ZNF626: variants seen among roughly 807,000 people sequenced by gnomAD.
ZNF626 encodes CTC-513N18.7.
ZNF626 carries 4 observed loss-of-function variants against 11.7 expected under a neutral mutation model. The ratio of observed to expected loss-of-function variants is 0.34; its 90% confidence interval spans 0.17 to 0.78. ZNF626 has a LOEUF of 0.78. Among genes scored for constraint, ZNF626 ranks in the 30% least tolerant of loss-of-function variants. The pLI, the probability that ZNF626 is intolerant of heterozygous loss-of-function variation, is 0.57. For synonymous variants in ZNF626, 179 were observed against 198.6 expected (o/e 0.90, Z 0.83); for missense variants, 588 against 587.1 (o/e 1.00, Z -0.01).
At chr19:20,658,036 A>G (rs1024521144) in intron 1 of ZNF626, among the ~76,000 whole-genome samples, 3 of 152,032 alleles carry the variant, frequency 2.0e-5, no homozygotes, top group African/African-American at 7.2e-5. Context: ...TCTGCACTTC[A>G]AACCCCCATG....
intron 1 of ZNF626, among the ~76,000 whole-genome samples, chr19:20,651,935 T>A (rs1015072894): frequency 3.9e-5 from 6 of 152,216 alleles, no homozygotes; most frequent in Admixed American, 3.3e-4. Flanking sequence ...GCTTTTTTTT[T>A]ACACTTACAC....
At chr19:20,653,841 T>C (rs73010252) in intron 1 of ZNF626, among the ~76,000 whole-genome samples, 11,736 of 152,130 alleles carry the variant, frequency 0.077, 589 homozygotes, top group South Asian at 0.12. Context: ...TGTGTTCATA[T>C]ACTGGAATAT....
chr19:20,661,307 G>T, intron 1 of ZNF626, 137 bp downstream of exon 1: 1 of 1,216,602 alleles, frequency 8.2e-7, no homozygotes, highest in Non-Finnish European at 1.2e-6. Context: ...ACAGGACTGA[G>T]GCCGAGCTGA....
At position 20,645,432 on chromosome 19, in the gene ZNF626, AAC is replaced by A. The variant is rs1555771806; in HGVS notation, c.226+250_226+251del. ...GAAGAGGACTTTGGCTCTCACTGTG[AAC>A]TTGAAGGAAGCTCACTGAAAGAAAA... On this transcript the variant is annotated intron_variant, in intron 3 of 3. Coordinates refer to ENST00000601440, the MANE Select transcript of ZNF626 (RefSeq NM_001076675.3). The A allele has an allele frequency of 1.9e-6, 3 of 1,611,794 alleles. No individual in the cohort carries two copies. The East Asian group carries it at 6.7e-5, about 36-fold the overall frequency.
At chr19:20,641,404 TATATG>T (rs1970023241) in intron 3 of ZNF626, among the ~76,000 whole-genome samples, 1 of 152,142 alleles carries the variant, frequency 6.6e-6, no homozygotes, top group African/African-American at 2.4e-5. Context: ...CGATTCCACT[TATATG>T]AGATACCTTA....
In ZNF626 at chr19:20,637,800, AACG is replaced by A. The variant is rs879952132; in HGVS notation, c.226+7881_226+7883del. Among the ~76,000 whole-genome samples the A allele has an allele frequency of 6.0e-3, 918 of 152,172 alleles. 12 individuals carry two copies. The highest frequency in any genetic ancestry group is 0.021 in the African/African-American group (876 of 41,556). On this transcript the variant is annotated intron_variant, in intron 3 of 3. Coordinates refer to ENST00000601440, the MANE Select transcript of ZNF626 (RefSeq NM_001076675.3). ...TACTAGAAACACACAAAACAATAAT[AACG>A]TAACTGGAAATAACAACTTCATTTC...
intron 1 of ZNF626, among the ~76,000 whole-genome samples, chr19:20,651,894 T>C (rs1270626733): frequency 6.6e-6 from 1 of 152,212 alleles, no homozygotes; most frequent in Non-Finnish European, 1.5e-5. Context: ...TAACTGGATA[T>C]TTTGTGGCCT....
At chr19:20,640,471 A>C (rs1395749040) in intron 3 of ZNF626, among the ~76,000 whole-genome samples, 7 of 151,480 alleles carry the variant, frequency 4.6e-5, no homozygotes, top group Non-Finnish European at 5.9e-5. Context: ...CCCTTAGAAA[A>C]TGGGTAAAAC....
chr19:20,627,381 T>C (rs2144765460), intron 3 of ZNF626, among the ~76,000 whole-genome samples: 1 of 152,206 alleles, frequency 6.6e-6, no homozygotes, highest in Middle Eastern at 3.4e-3. Flanking sequence ...AAATATATTG[T>C]TGGATCTTTT....
At chr19:20,633,580 C>A (rs4808254) in intron 3 of ZNF626, among the ~76,000 whole-genome samples, 68,448 of 152,110 alleles carry the variant, frequency 0.45, 16,683 homozygotes, top group African/African-American at 0.64. Flanking sequence ...TGGCGTAGGA[C>A]CCTCTGAGCT....
intron 3 of ZNF626, among the ~76,000 whole-genome samples, chr19:20,636,869 A>T (rs1271588403): frequency 6.6e-6 from 1 of 152,102 alleles, no homozygotes; most frequent in Non-Finnish European, 1.5e-5. Context: ...AAAAGTGCAA[A>T]AATTATTTGG....
chr19:20,628,217 G>C (rs1312325407), intron 3 of ZNF626, among the ~76,000 whole-genome samples: 1 of 152,150 alleles, frequency 6.6e-6, no homozygotes, highest in Non-Finnish European at 1.5e-5. Flanking sequence ...CTTTGCTATT[G>C]TGAATAGTGC....
chr19:20,652,714 G>A (rs1555772686), intron 1 of ZNF626, among the ~76,000 whole-genome samples: 1 of 152,134 alleles, frequency 6.6e-6, no homozygotes, highest in Non-Finnish European at 1.5e-5. Flanking sequence ...AAAAGGACTT[G>A]CATTTTTCAG....
chr19:20,630,302 T>A (rs1361718884), intron 3 of ZNF626, among the ~76,000 whole-genome samples: 1 of 152,166 alleles, frequency 6.6e-6, no homozygotes, highest in Non-Finnish European at 1.5e-5. Context: ...ACAAAATGAG[T>A]TAGGGAGGAT....
chr19:20,647,951 CGGGA>C (rs1421169038), intron 1 of ZNF626, among the ~76,000 whole-genome samples: 1 of 151,808 alleles, frequency 6.6e-6, no homozygotes, highest in Admixed American at 6.6e-5. Context: ...GAGGCTGCGG[CGGGA>C]GGATCACAAG....
intron 3 of ZNF626, among the ~76,000 whole-genome samples, chr19:20,640,941 G>A (rs1420325960): frequency 1.3e-5 from 2 of 152,064 alleles, no homozygotes; most frequent in Non-Finnish European, 2.9e-5. Flanking sequence ...CTGAGGCCAG[G>A]AGTTTGAGAC....
chr19:20,630,338 A>G (rs1969888515), intron 3 of ZNF626, among the ~76,000 whole-genome samples: 1 of 152,172 alleles, frequency 6.6e-6, no homozygotes, highest in Admixed American at 6.5e-5. Flanking sequence ...TGGTTGGAAT[A>G]GTTTCAGAAG....
intron 2 of ZNF626, 72 bp from the exon 3 acceptor site, chr19:20,645,851 A>C (rs1970071699): frequency 7.3e-6 from 8 of 1,100,036 alleles, no homozygotes; most frequent in Non-Finnish European, 1.0e-5. Flanking sequence ...TGTGCTCAGC[A>C]CAGAGGATGT....
In ZNF626 at chr19:20,624,363, T is replaced by G. The variant is rs1555769178; in HGVS notation, c.1514A>C (p.Glu505Ala). The G allele has an allele frequency of 1.5e-6, 2 of 1,356,038 alleles. No individual in the cohort carries two copies. Among genetic ancestry groups the G allele is most frequent in the Non-Finnish European group, 1.9e-6 (2 of 1,025,688 alleles). 84.0% of individuals were successfully genotyped at this position (1,356,038 alleles called of 1,614,324 possible). The change falls in exon 4 of 4, where the codon GAG becomes GCG. Residue 505 changes from glutamate to alanine, a missense_variant. Coordinates refer to ENST00000601440, the MANE Select transcript of ZNF626 (RefSeq NM_001076675.3). ...ILTTHERIIL[E>A]RNSTNVKNVA... is the part of the protein sequence containing the mutation. The stretch of plus-strand genomic sequence containing the variant: ...ATTCTTCACATTTGTAGAATTTCTC[T>G]CCAGTATGATTCTCTCATGTGTAGT...
Sources: gnomAD v4.1 joint callset for allele counts (sites outside exome capture counted in the v4.1 genomes callset) on GRCh38, gnomAD v4.1.1 for gene constraint, MANE v1.5 for transcripts, NCBI Gene and HGNC (gene_info 2026-07-23, HGNC 2026-07-21) for gene names.